FBLN2: variants seen among roughly 807,000 people sequenced by gnomAD.
FBLN2 encodes the protein fibulin-2.
FBLN2 carries 81 observed loss-of-function variants against 123.7 expected under a neutral mutation model. The ratio of observed to expected loss-of-function variants is 0.65; its 90% CI spans 0.55 to 0.79. The LOEUF is 0.79. Ranked by LOEUF, FBLN2 falls within the 30% of genes least tolerant of loss-of-function variation. The probability of loss-of-function intolerance (pLI) is 0.00; values close to 1 mark genes in which losing one functional copy is unlikely to be tolerated. For missense variants in FBLN2, 1,603 were observed against 1,681.3 expected (o/e 0.95, Z 0.81); for synonymous variants, 699 against 701.4 (o/e 1.00, Z 0.05).
intron 1 of FBLN2, 114 bp downstream of exon 1, chr3:13,549,322 C>T: frequency 1.5e-6 from 1 of 685,772 alleles, no homozygotes; most frequent in Non-Finnish European, 1.8e-6. Context: ...TCGGACGCGC[C>T]TCGCGGGCTG....
chr3:13,607,434 G>T (rs1441967336), intron 2 of FBLN2, among the ~76,000 whole-genome samples: 1 of 152,196 alleles, frequency 6.6e-6, no homozygotes, highest in Non-Finnish European at 1.5e-5. Flanking sequence ...GGCTTAGGAG[G>T]GGGAGGAGGA....
chr3:13,558,763 A>G (rs1574942036), intron 1 of FBLN2, among the ~76,000 whole-genome samples: 9 of 45,004 alleles, frequency 2.0e-4, no homozygotes, highest in African/African-American at 7.9e-4. Flanking sequence ...TCGTCCATCC[A>G]TCCATCCATC....
intron 2 of FBLN2, among the ~76,000 whole-genome samples, chr3:13,591,550 C>T (rs757405424): frequency 2.0e-5 from 3 of 152,136 alleles, no homozygotes; most frequent in Non-Finnish European, 2.9e-5. Context: ...AGCCTCCCAA[C>T]GTGCTGGGGT....
At chr3:13,584,353 T>A (rs1704430756) in intron 2 of FBLN2, among the ~76,000 whole-genome samples, 1 of 152,220 alleles carries the variant, frequency 6.6e-6, no homozygotes, top group Non-Finnish European at 1.5e-5. Flanking sequence ...CTGAGAGCTC[T>A]GCAGGTGCAG....
chr3:13,594,669 A>G (rs573857158), intron 2 of FBLN2, among the ~76,000 whole-genome samples: 1 of 152,066 alleles, frequency 6.6e-6, no homozygotes, highest in East Asian at 1.9e-4. Context: ...CTAGCCCCCG[A>G]CCTGGGCCCA....
At chr3:13,588,564 C>T (rs1704577902) in intron 2 of FBLN2, among the ~76,000 whole-genome samples, 1 of 152,224 alleles carries the variant, frequency 6.6e-6, no homozygotes, top group African/African-American at 2.4e-5. Flanking sequence ...GGTGGCTGCT[C>T]CCAGGGTACC....
At chr3:13,610,165 C>A (rs1256980472) in intron 4 of FBLN2, among the ~76,000 whole-genome samples, 8 of 152,190 alleles carry the variant, frequency 5.3e-5, no homozygotes, top group Non-Finnish European at 1.2e-4. Flanking sequence ...AGGCAGAGTG[C>A]AGCACATGCA....
chr3:13,563,965 C>T (rs1015638066), intron 1 of FBLN2, among the ~76,000 whole-genome samples: 2 of 152,220 alleles, frequency 1.3e-5, no homozygotes, highest in Non-Finnish European at 2.9e-5. Flanking sequence ...GTAGAGATGA[C>T]TCAGGAAGCC....
rs764380910 is a variant in FBLN2 at position 13,636,564 on chromosome 3, A to G, written c.3334A>G (p.Lys1112Glu). ...TCCTCCCAACTATGTCCAAGTCTCC[A>G]AAACGTGAGTGTCCCCACCCCAGTC... Reference protein sequence around the residue: ...ECPPNYVQVSKTKCERTTCHD... With the variant: ...ECPPNYVQVSETKCERTTCHD... Residue 1112 changes from lysine (K) to glutamate (E), a missense_variant, in exon 17 of 18, where the codon AAA becomes GAA. Coordinates refer to ENST00000404922, the MANE Select transcript of FBLN2 (RefSeq NM_001004019.2). 9 of 1,613,198 alleles carry G rather than the reference A, an allele frequency of 5.6e-6. No individual in the cohort carries two copies. The highest frequency in any genetic ancestry group is 7.6e-6 in the Non-Finnish European group (9 of 1,179,582).
At chr3:13,585,480 C>T (rs2124846916) in intron 2 of FBLN2, among the ~76,000 whole-genome samples, 1 of 152,264 alleles carries the variant, frequency 6.6e-6, no homozygotes, top group East Asian at 1.9e-4. Context: ...ACATTTCCAT[C>T]AATGATATAC....
chr3:13,557,670 G>A (rs1346508019), intron 1 of FBLN2, among the ~76,000 whole-genome samples: 1 of 152,264 alleles, frequency 6.6e-6, no homozygotes, highest in Non-Finnish European at 1.5e-5. Context: ...ACTGGGTCGT[G>A]TGACTGCTCT....
intron 9 of FBLN2, among the ~76,000 whole-genome samples, chr3:13,624,361 G>A (rs1336484075): frequency 8.1e-6 from 1 of 123,198 alleles, no homozygotes; most frequent in African/African-American, 2.7e-5. Context: ...CCTCCAGGCT[G>A]TGGGAGGCTC....
chr3:13,588,978 T>A (rs1704588885), intron 2 of FBLN2, among the ~76,000 whole-genome samples: 2 of 152,186 alleles, frequency 1.3e-5, no homozygotes, highest in African/African-American at 4.8e-5. Flanking sequence ...CAAACTTCAG[T>A]TTGAGCAGAA....
At chr3:13,637,475 C>T in intron 17 of FBLN2, 87 bp from the exon 18 acceptor site, 1 of 1,258,434 alleles carries the variant, frequency 7.9e-7, no homozygotes, top group Non-Finnish European at 1.1e-6. Context: ...GCCCTTGATC[C>T]TGCCGCTGAG....
At chr3:13,579,173 A>G (rs966347029) in intron 2 of FBLN2, among the ~76,000 whole-genome samples, 3 of 152,212 alleles carry the variant, frequency 2.0e-5, no homozygotes, top group African/African-American at 7.2e-5. Flanking sequence ...TAGCCATCCT[A>G]GTGTGTATGA....
chr3:13,636,303 G>C, intron 16 of FBLN2, 142 bp from the exon 17 acceptor site: 2 of 957,690 alleles, frequency 2.1e-6, no homozygotes, highest in Middle Eastern at 3.2e-4. Context: ...AGGTGAGATG[G>C]GGCATGTGTG....
chr3:13,617,514 C>A (rs970554520), intron 5 of FBLN2, among the ~76,000 whole-genome samples: 1 of 150,428 alleles, frequency 6.6e-6, no homozygotes, highest in African/African-American at 2.4e-5. Context: ...ATCTATCCAC[C>A]CATCCTTCCA....
At chr3:13,600,258 T>C (rs1171171437) in intron 2 of FBLN2, among the ~76,000 whole-genome samples, 1 of 152,088 alleles carries the variant, frequency 6.6e-6, no homozygotes, top group African/African-American at 2.4e-5. Flanking sequence ...TCCCACATTT[T>C]GGATGGCACC....
intron 8 of FBLN2, among the ~76,000 whole-genome samples, chr3:13,620,812 C>G (rs1705823801): frequency 6.6e-6 from 1 of 152,224 alleles, no homozygotes; most frequent in African/African-American, 2.4e-5. Context: ...AAGCTGAAAG[C>G]CCGTGTCCAT....
Sources: gnomAD v4.1 joint callset for allele counts (sites outside exome capture counted in the v4.1 genomes callset) on GRCh38, gnomAD v4.1.1 for gene constraint, MANE v1.5 for transcripts, NCBI Gene and HGNC (gene_info 2026-07-23, HGNC 2026-07-21) for gene names.